Variants in RELN observed in about 807,000 individuals in gnomAD.
The protein encoded by RELN is reelin.
A neutral mutation model predicts 427.6 loss-of-function variants in RELN; 108 were observed. That is an observed-to-expected ratio of 0.25 (90% confidence interval 0.22 to 0.30). RELN has a LOEUF of 0.30. Among genes scored for constraint, RELN ranks in the 10% least tolerant of loss-of-function variants. The pLI is 1.00. For missense variants in RELN, 3,715 were observed against 4,302.8 expected (o/e 0.86, Z 3.82); for synonymous variants, 1,524 against 1,513.4 (o/e 1.01, Z -0.16).
At chr7:103,541,807 T>G (rs1221816504) in intron 43 of RELN, among the ~76,000 whole-genome samples, 1 of 152,210 alleles carries the variant, frequency 6.6e-6, no homozygotes, top group Non-Finnish European at 1.5e-5. Context: ...AACATCAAAT[T>G]AAACTATATG....
intron 11 of RELN, among the ~76,000 whole-genome samples, chr7:103,665,718 T>C (rs1317019154): frequency 6.6e-6 from 1 of 152,158 alleles, no homozygotes; most frequent in African/African-American, 2.4e-5. Flanking sequence ...TATGGAAACT[T>C]GGTGTACCTT....
chr7:103,498,276 TG>T, intron 53 of RELN, 24 bp from the exon 54 acceptor site: 1 of 1,607,204 alleles, frequency 6.2e-7, no homozygotes, highest in Non-Finnish European at 8.5e-7. Flanking sequence ...AAGCCAGATG[TG>T]GTTAAAAAAA....
At chr7:103,651,868 T>A in intron 14 of RELN, 79 bp from the exon 15 acceptor site, 1 of 1,424,476 alleles carries the variant, frequency 7.0e-7, no homozygotes, top group Non-Finnish European at 9.8e-7. Flanking sequence ...CAACTCTGGT[T>A]AAGTACATTA....
chr7:103,794,976 T>C (rs1472150605), intron 3 of RELN, among the ~76,000 whole-genome samples: 3 of 152,236 alleles, frequency 2.0e-5, no homozygotes, highest in Non-Finnish European at 4.4e-5. Flanking sequence ...ACATATGCAT[T>C]TTGACACTTA....
chr7:103,828,093 T>G (rs1255256282), intron 3 of RELN, among the ~76,000 whole-genome samples: 1 of 152,022 alleles, frequency 6.6e-6, no homozygotes, highest in Admixed American at 6.6e-5. Flanking sequence ...CAAATACATC[T>G]GTGATGTGTC....
intron 27 of RELN, among the ~76,000 whole-genome samples, chr7:103,592,018 G>T (rs1831427065): frequency 6.6e-6 from 1 of 152,112 alleles, no homozygotes; most frequent in African/African-American, 2.4e-5. Flanking sequence ...TTGAGAGAAA[G>T]GTCGTATTCA....
intron 2 of RELN, among the ~76,000 whole-genome samples, chr7:103,838,034 C>T (rs535072764): frequency 4.5e-4 from 68 of 151,460 alleles, no homozygotes; most frequent in African/African-American, 1.5e-3. Flanking sequence ...GGCGAAACAC[C>T]GTCTCTACTA....
intron 63 of RELN, among the ~76,000 whole-genome samples, chr7:103,480,351 A>G (rs1191423426): frequency 2.0e-5 from 3 of 152,162 alleles, no homozygotes; most frequent in Non-Finnish European, 2.9e-5. Context: ...GAAAACTATT[A>G]TATTTAATTT....
chr7:103,880,992 C>G (rs1409751113), intron 2 of RELN, among the ~76,000 whole-genome samples: 1 of 152,158 alleles, frequency 6.6e-6, no homozygotes, highest in Non-Finnish European at 1.5e-5. Flanking sequence ...CCACACCCAG[C>G]CTATTTCTTA....
At chr7:103,584,175 G>A (rs1831217401) in intron 28 of RELN, among the ~76,000 whole-genome samples, 1 of 152,210 alleles carries the variant, frequency 6.6e-6, no homozygotes, top group Non-Finnish European at 1.5e-5. Flanking sequence ...CCAGGGAAAG[G>A]ACAGTGCAGT....
intron 2 of RELN, among the ~76,000 whole-genome samples, chr7:103,882,805 A>G (rs3933462): frequency 0.39 from 58,791 of 152,018 alleles, 12,007 homozygotes; most frequent in East Asian, 0.76. Flanking sequence ...ATAGCCTACC[A>G]GCCAAAAAAA....
intron 38 of RELN, among the ~76,000 whole-genome samples, chr7:103,554,500 G>A (rs1449433210): frequency 1.3e-5 from 2 of 148,158 alleles, no homozygotes; most frequent in African/African-American, 2.5e-5. Context: ...AGCCTGGGAG[G>A]TGGAGGTTGC....
chr7:103,594,625 G>GTT, intron 25 of RELN, 133 bp from the exon 26 acceptor site: 1 of 929,486 alleles, frequency 1.1e-6, no homozygotes, highest in Non-Finnish European at 1.7e-6. Flanking sequence ...CCAAAAGCCC[G>GTT]TAAGTTTGGA....
chr7:103,494,102 G>A (rs541320292), intron 57 of RELN, among the ~76,000 whole-genome samples: 17 of 152,240 alleles, frequency 1.1e-4, no homozygotes, highest in African/African-American at 3.9e-4. Context: ...ACAGGGCTTA[G>A]AAGTAGAGGA....
chr7:103,701,525 T>C (rs1834091929), intron 8 of RELN, among the ~76,000 whole-genome samples: 1 of 152,138 alleles, frequency 6.6e-6, no homozygotes, highest in Admixed American at 6.5e-5. Context: ...ATGGATGTGA[T>C]TGATATTACT....
intron 50 of RELN, chr7:103,513,589 G>T (rs972481121): frequency 2.6e-5 from 4 of 151,882 alleles, no homozygotes; most frequent in African/African-American, 9.7e-5. Flanking sequence ...CTATTTACAA[G>T]TTTTTTTTAA....
intron 4 of RELN, among the ~76,000 whole-genome samples, chr7:103,759,517 G>A (rs1311713537): frequency 6.6e-6 from 1 of 152,100 alleles, no homozygotes; most frequent in Non-Finnish European, 1.5e-5. Context: ...CTCTTAGCTC[G>A]TATATGTTAA....
chr7:103,572,145 A>G lies in RELN; in HGVS notation c.4588+39T>C, dbSNP rs1457697898. The G allele has an allele frequency of 2.5e-6, 3 of 1,184,520 alleles. No homozygotes were observed. The South Asian group carries it at 3.6e-5, about 14-fold the overall frequency. 73.4% of individuals were successfully genotyped at this position (1,184,520 alleles called of 1,614,324 possible). On this transcript the variant is annotated intron_variant, in intron 31 of 64. Transcript: ENST00000428762. The stretch of plus-strand genomic sequence containing the variant: ...TGGGAGGATAAAGGACTAATCTGCC[A>G]ATAGTAACTGTAATTTCCATGGAAA...
At chr7:103,907,014 T>G (rs1795221811) in intron 2 of RELN, among the ~76,000 whole-genome samples, 1 of 152,104 alleles carries the variant, frequency 6.6e-6, no homozygotes, top group African/African-American at 2.4e-5. Flanking sequence ...CAAATATCCA[T>G]CCACTAAACA....
Sources: gnomAD v4.1 joint callset for allele counts (sites outside exome capture counted in the v4.1 genomes callset) on GRCh38, gnomAD v4.1.1 for gene constraint, MANE v1.5 for transcripts, NCBI Gene and HGNC (gene_info 2026-07-23, HGNC 2026-07-21) for gene names.